Variants in DCC observed in about 807,000 individuals in gnomAD.
The protein encoded by DCC is netrin receptor DCC.
A neutral mutation model predicts 172.5 loss-of-function variants in DCC; 58 were observed. The observed-to-expected ratio is 0.34, with a 90% CI of 0.27 to 0.42. DCC has a LOEUF of 0.42. Among genes scored for constraint, DCC ranks in the 10% least tolerant of loss-of-function variants. The pLI, the probability that DCC is intolerant of heterozygous loss-of-function variation, is 1.00. For missense variants in DCC, 1,740 were observed against 1,791.0 expected (o/e 0.97, Z 0.51); for synonymous variants, 709 against 644.5 (o/e 1.10, Z -1.52).
chr18:52,981,565 C>G (rs1199562501), intron 5 of DCC, among the ~76,000 whole-genome samples: 2 of 151,924 alleles, frequency 1.3e-5, no homozygotes, highest in Non-Finnish European at 2.9e-5. Flanking sequence ...TCATTAGGAG[C>G]TTATTTAATC....
intron 2 of DCC, among the ~76,000 whole-genome samples, chr18:52,849,304 G>T (rs1019683658): frequency 6.6e-6 from 1 of 152,020 alleles, no homozygotes; most frequent in African/African-American, 2.4e-5. Flanking sequence ...ATTATGTGTT[G>T]TTTCCCCTTG....
chr18:52,656,956 A>G (rs1175891263), intron 1 of DCC, among the ~76,000 whole-genome samples: 3 of 151,562 alleles, frequency 2.0e-5, no homozygotes, highest in African/African-American at 7.3e-5. Flanking sequence ...TCCTATTGTG[A>G]CTCTTTTCTG....
At chr18:53,316,662 G>A (rs766416668) in intron 13 of DCC, among the ~76,000 whole-genome samples, 5 of 152,090 alleles carry the variant, frequency 3.3e-5, no homozygotes, top group Non-Finnish European at 7.4e-5. Flanking sequence ...TCTCCTTGAA[G>A]ACACCCTTCA....
intron 15 of DCC, among the ~76,000 whole-genome samples, chr18:53,368,064 A>G (rs922181659): frequency 2.0e-5 from 3 of 152,050 alleles, no homozygotes; most frequent in Non-Finnish European, 2.9e-5. Flanking sequence ...AAGGGTTCCT[A>G]TTTCTCTACA....
chr18:52,815,828 C>A (rs371189578), intron 2 of DCC, among the ~76,000 whole-genome samples: 13 of 152,072 alleles, frequency 8.5e-5, no homozygotes, highest in Non-Finnish European at 1.8e-4. Flanking sequence ...CAAAAGACAT[C>A]GACAACTCCA....
intron 12 of DCC, among the ~76,000 whole-genome samples, chr18:53,267,147 TATAG>T (rs1366057503): frequency 0.024 from 3,604 of 150,112 alleles, 142 homozygotes; most frequent in African/African-American, 0.084. Flanking sequence ...TATATATATA[TATAG>T]AGAGAGAGAG....
At chr18:52,414,092 T>G (rs1453251715) in intron 1 of DCC, among the ~76,000 whole-genome samples, 2 of 152,156 alleles carry the variant, frequency 1.3e-5, no homozygotes, top group African/African-American at 4.8e-5. Context: ...TATTTATTTA[T>G]TTATTGAGAT....
At chr18:52,684,702 G>A (rs1173126702) in intron 1 of DCC, among the ~76,000 whole-genome samples, 1 of 151,786 alleles carries the variant, frequency 6.6e-6, no homozygotes, top group East Asian at 1.9e-4. Flanking sequence ...AGCAAGATAA[G>A]CTGGACTGGC....
At position 52,392,349 on chromosome 18, in the gene DCC, C is replaced by T. The variant is rs187416578; in HGVS notation, c.91+51471C>T. On this transcript the variant is annotated intron_variant, in intron 1 of 28. Transcript: ENST00000442544. ...TCTCATGTTCAGTAAAACAAAAAGG[C>T]AACTCAACCAATTAGAAAGCTTGGA... Among the ~76,000 whole-genome samples, 36 of 152,196 alleles carry T rather than the reference C, an allele frequency of 2.4e-4. 1 individual carries two copies. The highest frequency in any genetic ancestry group is 1.9e-3 in the East Asian group (10 of 5,164).
intron 20 of DCC, among the ~76,000 whole-genome samples, chr18:53,415,814 T>G (rs1384716932): frequency 4.1e-5 from 1 of 24,688 alleles, no homozygotes; most frequent in African/African-American, 5.3e-5. Context: ...TTGCATGCAG[T>G]TTTTTTTTAC....
intron 2 of DCC, among the ~76,000 whole-genome samples, chr18:52,781,671 A>G (rs986864536): frequency 1.6e-4 from 25 of 152,138 alleles, no homozygotes; most frequent in Non-Finnish European, 1.5e-5. Context: ...ACAGCATGGG[A>G]AATTCATTTT....
intron 12 of DCC, among the ~76,000 whole-genome samples, chr18:53,265,496 G>A (rs1369080658): frequency 6.6e-6 from 1 of 152,162 alleles, no homozygotes; most frequent in Non-Finnish European, 1.5e-5. Context: ...GGTTTTCTCT[G>A]CTATAGAGAA....
At chr18:52,902,088 A>G (rs1243282440) in intron 2 of DCC, among the ~76,000 whole-genome samples, 1 of 152,206 alleles carries the variant, frequency 6.6e-6, no homozygotes, top group South Asian at 2.1e-4. Flanking sequence ...GAAGTTCCAT[A>G]AGAAATACAG....
At chr18:52,700,240 G>C (rs1240696491) in intron 1 of DCC, among the ~76,000 whole-genome samples, 1 of 115,996 alleles carries the variant, frequency 8.6e-6, no homozygotes. Context: ...ACACTCACAT[G>C]CACACTCACA....
At chr18:52,552,634 T>C (rs1286805633) in intron 1 of DCC, among the ~76,000 whole-genome samples, 1 of 152,024 alleles carries the variant, frequency 6.6e-6, no homozygotes, top group Non-Finnish European at 1.5e-5. Flanking sequence ...TTTTACCTAA[T>C]TGTCTACAAA....
At chr18:53,480,791 G>A (rs2045822380) in intron 25 of DCC, 1 of 152,142 alleles carries the variant, frequency 6.6e-6, no homozygotes, top group African/African-American at 2.4e-5. Flanking sequence ...TCTTCAACGT[G>A]TAGCTATTAT....
intron 2 of DCC, among the ~76,000 whole-genome samples, chr18:52,871,315 A>G (rs2039314561): frequency 6.6e-6 from 1 of 150,874 alleles, no homozygotes; most frequent in East Asian, 1.9e-4. Context: ...ATGAGAAAGA[A>G]CAGTGTCTTT....
chr18:53,178,823 C>A, intron 8 of DCC, 139 bp from the exon 9 acceptor site: 1 of 809,446 alleles, frequency 1.2e-6, no homozygotes, highest in South Asian at 1.5e-5. Flanking sequence ...AGTCTGAGGT[C>A]TTGAATTATG....
At chr18:52,423,008 T>C (rs1483266600) in intron 1 of DCC, among the ~76,000 whole-genome samples, 1 of 152,166 alleles carries the variant, frequency 6.6e-6, no homozygotes, top group Non-Finnish European at 1.5e-5. Context: ...CATTAATTTA[T>C]TGAACAAAGT....
Sources: gnomAD v4.1 joint callset for allele counts (sites outside exome capture counted in the v4.1 genomes callset) on GRCh38, gnomAD v4.1.1 for gene constraint, MANE v1.5 for transcripts, NCBI Gene and HGNC (gene_info 2026-07-23, HGNC 2026-07-21) for gene names.